The following MSRA variants were observed in gnomAD, a reference collection of about 807,000 sequenced individuals.
The protein encoded by MSRA is mitochondrial peptide methionine sulfoxide reductase.
In MSRA, 54 loss-of-function variants were observed where a neutral mutation model predicts 31.3. The ratio of observed to expected loss-of-function variants is 1.73; its 90% CI spans 1.39 to 2.17. MSRA has a LOEUF of 2.17. Among genes scored for constraint, MSRA ranks in the 30% most tolerant of loss-of-function variants. The probability of loss-of-function intolerance (pLI) is 0.00; values close to 1 mark genes in which losing one functional copy is unlikely to be tolerated. For synonymous variants in MSRA, 169 were observed against 116.5 expected, an observed-to-expected ratio of 1.45 and a Z score of -2.90; for missense variants, 507 against 300.9, an observed-to-expected ratio of 1.69 and a Z score of -5.07.
At chr8:10,335,601 G>A (rs1216769798) in intron 5 of MSRA, among the ~76,000 whole-genome samples, 1 of 152,152 alleles carries the variant, frequency 6.6e-6, no homozygotes, top group Non-Finnish European at 1.5e-5. Context: ...GGTCAAACAG[G>A]TGTGGAGAAG....
chr8:10,238,066 A>G (rs1812102467), intron 2 of MSRA, among the ~76,000 whole-genome samples: 1 of 152,198 alleles, frequency 6.6e-6, no homozygotes, highest in African/African-American at 2.4e-5. Flanking sequence ...AAGGTCCTAC[A>G]CTATCTGGCT....
At chr8:10,093,601 A>G (rs1324149805) in intron 1 of MSRA, among the ~76,000 whole-genome samples, 1 of 152,206 alleles carries the variant, frequency 6.6e-6, no homozygotes, top group African/African-American at 2.4e-5. Flanking sequence ...CCCATTTTAA[A>G]TATTTTAGAA....
intron 2 of MSRA, among the ~76,000 whole-genome samples, chr8:10,219,760 C>T (rs913937159): frequency 5.9e-5 from 8 of 134,458 alleles, no homozygotes; most frequent in African/African-American, 2.0e-4. Flanking sequence ...GAGCCAAGAT[C>T]GCACCACTGC....
intron 1 of MSRA, among the ~76,000 whole-genome samples, chr8:10,080,746 C>T (rs560368974): frequency 7.6e-4 from 114 of 150,354 alleles, no homozygotes; most frequent in Non-Finnish European, 1.5e-3. Context: ...GCTATGTTGC[C>T]GAGGCTAGTC....
intron 1 of MSRA, among the ~76,000 whole-genome samples, chr8:10,201,192 C>G (rs965096519): frequency 2.0e-5 from 3 of 152,152 alleles, no homozygotes; most frequent in Non-Finnish European, 4.4e-5. Flanking sequence ...ACCCTCCTCT[C>G]TGCTGCTCAG....
At chr8:10,315,821 C>A (rs1459939995) in intron 4 of MSRA, among the ~76,000 whole-genome samples, 2 of 152,144 alleles carry the variant, frequency 1.3e-5, no homozygotes, top group African/African-American at 4.8e-5. Context: ...AGAACATAAA[C>A]AGACATGGAG....
At chr8:10,263,973 A>G (rs1266811799) in intron 3 of MSRA, among the ~76,000 whole-genome samples, 1 of 152,192 alleles carries the variant, frequency 6.6e-6, no homozygotes, top group Non-Finnish European at 1.5e-5. Flanking sequence ...TGATGTGACC[A>G]CAGTTTTCTT....
At chr8:10,327,067 C>G (rs567905793) in intron 5 of MSRA, among the ~76,000 whole-genome samples, 7 of 152,310 alleles carry the variant, frequency 4.6e-5, no homozygotes, top group African/African-American at 1.2e-4. Context: ...AATGCTTTCT[C>G]TGGGTATTTC....
intron 2 of MSRA, among the ~76,000 whole-genome samples, chr8:10,223,463 G>C (rs1290860755): frequency 6.6e-6 from 1 of 152,330 alleles, no homozygotes; most frequent in East Asian, 1.9e-4. Flanking sequence ...TACCTCCACA[G>C]ACCACTGGGA....
chr8:10,257,237 A>C (rs1798231195), intron 3 of MSRA, among the ~76,000 whole-genome samples: 1 of 152,050 alleles, frequency 6.6e-6, no homozygotes, highest in South Asian at 2.1e-4. Flanking sequence ...GGCAGCCTGG[A>C]AGTAAGAGGA....
At chr8:10,381,373 T>C (rs914562320) in intron 5 of MSRA, among the ~76,000 whole-genome samples, 4 of 152,144 alleles carry the variant, frequency 2.6e-5, no homozygotes, top group Non-Finnish European at 5.9e-5. Context: ...CCAGGAAGTT[T>C]TTGGTTTAGG....
chr8:10,065,611 G>A (rs1228432756), intron 1 of MSRA, among the ~76,000 whole-genome samples: 6 of 152,170 alleles, frequency 3.9e-5, no homozygotes, highest in Admixed American at 6.5e-5. Flanking sequence ...TTCTCTTAAC[G>A]TAACGATGGA....
intron 1 of MSRA, among the ~76,000 whole-genome samples, chr8:10,107,966 A>G (rs1273006722): frequency 2.6e-5 from 4 of 152,062 alleles, no homozygotes; most frequent in Admixed American, 6.6e-5. Context: ...ATTCTTCCTC[A>G]TATTTAACCC....
At chr8:10,339,167 T>A (rs1292857945) in intron 5 of MSRA, among the ~76,000 whole-genome samples, 1 of 152,206 alleles carries the variant, frequency 6.6e-6, no homozygotes, top group Non-Finnish European at 1.5e-5. Flanking sequence ...TCCTAGCCCC[T>A]TGGCTTTGGA....
At chr8:10,406,338 C>T (rs1350981989) in intron 5 of MSRA, among the ~76,000 whole-genome samples, 1 of 152,222 alleles carries the variant, frequency 6.6e-6, no homozygotes, top group Non-Finnish European at 1.5e-5. Context: ...CTATTTGCTT[C>T]TTGAAGAATG....
In MSRA at chr8:10,104,692, G is replaced by C. The variant is rs368389815; in HGVS notation, c.142+50034G>C. On this transcript the variant is annotated intron_variant, in intron 1 of 5. Transcript: ENST00000317173. ...ATGTTTCTTATCAGACTTAAGGTCTGTGTTGATATTAATGCTGGCCTGCTT... is the reference window on the plus strand; with the variant it reads ...ATGTTTCTTATCAGACTTAAGGTCTCTGTTGATATTAATGCTGGCCTGCTT... Among the ~76,000 whole-genome samples, 5 of 152,308 alleles carry C rather than the reference G, an allele frequency of 3.3e-5. No individual in the cohort carries two copies. The East Asian group carries it at 5.8e-4, about 18-fold the overall frequency.
intron 5 of MSRA, among the ~76,000 whole-genome samples, chr8:10,357,273 G>C (rs2954814): frequency 6.6e-6 from 1 of 152,158 alleles, no homozygotes; most frequent in Non-Finnish European, 1.5e-5. Context: ...AATTTTCTAA[G>C]AAGGAGCTTC....
rs549696448 is a variant in MSRA at position 10,170,368 on chromosome 8, C to T, written c.143-37465C>T. On this transcript the variant is annotated intron_variant, in intron 1 of 5. Transcript: ENST00000317173. ...AAGGCCCCAGAGAGCTGCCTTGCGC[C>T]TTCTGTGATGTGAGAACACAGTGAG... Among the ~76,000 whole-genome samples, 78 of 152,242 alleles carry T rather than the reference C, an allele frequency of 5.1e-4. 1 individual carries two copies. In the South Asian group the frequency reaches 0.016, roughly 30 times the overall value.
chr8:10,062,942 A>T (rs1279267764), intron 1 of MSRA, among the ~76,000 whole-genome samples: 1 of 152,162 alleles, frequency 6.6e-6, no homozygotes, highest in Admixed American at 6.5e-5. Flanking sequence ...AAGAGGTAAG[A>T]AGTCAGAAGG....
Sources: gnomAD v4.1 joint callset for allele counts (sites outside exome capture counted in the v4.1 genomes callset) on GRCh38, gnomAD v4.1.1 for gene constraint, MANE v1.5 for transcripts, NCBI Gene and HGNC (gene_info 2026-07-23, HGNC 2026-07-21) for gene names.